The following NAALAD2 variants were observed in gnomAD, a reference collection of about 807,000 sequenced individuals.
NAALAD2 encodes the protein N-acetylated alpha-linked acidic dipeptidase 2.
A neutral mutation model predicts 95.6 loss-of-function variants in NAALAD2; 89 were observed. The observed-to-expected ratio is 0.93, with a 90% confidence interval of 0.78 to 1.11. The LOEUF (loss-of-function observed/expected upper bound fraction) is 1.11, where lower values mean the gene tolerates loss of function less well. NAALAD2 is among the 50% of genes least tolerant of loss of function. The pLI is 0.00. For missense variants in NAALAD2, 894 were observed against 872.4 expected (o/e 1.02, Z -0.31); for synonymous variants, 264 against 294.4 (o/e 0.90, Z 1.06).
At chr11:90,166,167 T>A (rs1489341262) in intron 11 of NAALAD2, among the ~76,000 whole-genome samples, 1 of 152,216 alleles carries the variant, frequency 6.6e-6, no homozygotes, top group African/African-American at 2.4e-5. Context: ...CACACACAGC[T>A]TTAAATGTTT....
At chr11:90,156,966 G>A (rs549082762) in intron 6 of NAALAD2, among the ~76,000 whole-genome samples, 75 of 152,092 alleles carry the variant, frequency 4.9e-4, no homozygotes, top group Admixed American at 1.1e-3. Flanking sequence ...CACTGAGGTC[G>A]GAGAACATAC....
intron 11 of NAALAD2, among the ~76,000 whole-genome samples, chr11:90,167,490 C>CACTG (rs1230257082): frequency 1.3e-5 from 2 of 152,210 alleles, no homozygotes; most frequent in Admixed American, 6.5e-5. Flanking sequence ...TCCACGGCGA[C>CACTG]CAGTCCCATC....
intron 13 of NAALAD2, among the ~76,000 whole-genome samples, chr11:90,172,976 T>G (rs1952684026): frequency 2.0e-5 from 3 of 152,108 alleles, no homozygotes; most frequent in African/African-American, 7.2e-5. Context: ...CTGCCTTGGG[T>G]CTATTTTTGA....
upstream of NAALAD2, chr11:90,131,915 A>G (rs1951358336): frequency 6.6e-6 from 1 of 152,198 alleles, no homozygotes; most frequent in South Asian, 2.1e-4. Context: ...CAAAGTTTTT[A>G]TATACTATTA....
intron 18 of NAALAD2, among the ~76,000 whole-genome samples, chr11:90,183,609 A>G (rs1857032158): frequency 6.6e-6 from 1 of 152,146 alleles, no homozygotes; most frequent in Non-Finnish European, 1.5e-5. Context: ...TGCAAAGGCA[A>G]TACACATTAA....
intron 2 of NAALAD2, among the ~76,000 whole-genome samples, chr11:90,142,351 A>G (rs1265874082): frequency 6.6e-6 from 1 of 152,140 alleles, no homozygotes; most frequent in East Asian, 1.9e-4. Flanking sequence ...AGGCATATAC[A>G]CATGGACGTT....
intron 14 of NAALAD2, 98 bp from the exon 15 acceptor site, chr11:90,175,873 TC>T: frequency 1.6e-6 from 1 of 633,394 alleles, no homozygotes; most frequent in South Asian, 2.5e-5. Context: ...TCCTTGCTAT[TC>T]TTGGGGCAGG....
intron 2 of NAALAD2, 35 bp downstream of exon 2, chr11:90,135,705 A>T: frequency 6.5e-7 from 1 of 1,539,364 alleles, no homozygotes; most frequent in South Asian, 1.1e-5. Flanking sequence ...CTTAAAAATC[A>T]TGTTTAAAAT....
chr11:90,168,391 C>T (rs563905416), intron 11 of NAALAD2, among the ~76,000 whole-genome samples: 30 of 152,322 alleles, frequency 2.0e-4, no homozygotes, highest in African/African-American at 7.2e-4. Flanking sequence ...CCTGTAATCC[C>T]GGGTACTCCG....
chr11:90,182,953 C>G lies in NAALAD2; in HGVS notation c.1978C>G (p.Leu660Val), dbSNP rs765528476. ...AVRMMNDQLM[L>V]LERAFIDPLG... ...GAGAATGATGAATGACCAACTGATG[C>G]TCCTGGAAAGAGCATTCATCGATCC... The change falls in exon 18 of 19, where the codon CTC becomes GTC. Residue 660 changes from leucine to valine, a missense_variant. By Grantham distance (32) the Leu-to-Val change is conservative (BLOSUM62 1). Coordinates refer to ENST00000534061, the MANE Select transcript of NAALAD2 (RefSeq NM_005467.4). The G allele has an allele frequency of 6.2e-7, 1 of 1,612,384 alleles. No individual in the cohort carries two copies. The highest frequency in any genetic ancestry group is 1.7e-5 in the Admixed American group (1 of 59,958).
intron 8 of NAALAD2, chr11:90,162,677 AAAT>A (rs1370367089): frequency 2.0e-5 from 4 of 201,210 alleles, no homozygotes; most frequent in African/African-American, 6.9e-5. Context: ...AGCTATGAGA[AAAT>A]AATATAAAAT....
Position 90,147,537 on chromosome 11 carries a change from T to A in NAALAD2, c.381+21T>A, listed in dbSNP as rs200314348. 6.3e-6 allele frequency: 10 copies of A among 1,580,880 alleles called. No individual in the cohort carries two copies. In the Admixed American group the frequency reaches 1.7e-4, roughly 26 times the overall value. ...CTGAGGTATGTGAAATTGTTGGTAC[T>A]TTTTATATTTTGCAATCCGACCGTT... On this transcript the variant is annotated intron_variant, in intron 3 of 18. Coordinates refer to ENST00000534061, the MANE Select transcript of NAALAD2 (RefSeq NM_005467.4).
intron 1 of NAALAD2, 164 bp downstream of exon 1, chr11:90,135,004 G>A (rs1003825255): frequency 1.1e-4 from 71 of 666,546 alleles, no homozygotes; most frequent in Admixed American, 1.6e-4. Context: ...GAAACCAGAT[G>A]GAATGTATTT....
At chr11:90,165,896 AAT>A (rs1442021668) in intron 11 of NAALAD2, among the ~76,000 whole-genome samples, 1 of 152,206 alleles carries the variant, frequency 6.6e-6, no homozygotes, top group African/African-American at 2.4e-5. Context: ...TATATAAAAT[AAT>A]AAAAACGCTT....
At chr11:90,170,488 T>G (rs548104660) in intron 13 of NAALAD2, among the ~76,000 whole-genome samples, 1 of 152,210 alleles carries the variant, frequency 6.6e-6, no homozygotes, top group African/African-American at 2.4e-5. Flanking sequence ...TCAACAAATA[T>G]TCACTGAGTG....
chr11:90,153,645 T>C (rs1414127093), intron 6 of NAALAD2, among the ~76,000 whole-genome samples: 1 of 152,060 alleles, frequency 6.6e-6, no homozygotes, highest in Non-Finnish European at 1.5e-5. Flanking sequence ...TTGGGGAGAA[T>C]TGGCAATATT....
intron 2 of NAALAD2, among the ~76,000 whole-genome samples, chr11:90,138,335 G>A (rs1375802929): frequency 6.6e-6 from 1 of 152,142 alleles, no homozygotes; most frequent in Non-Finnish European, 1.5e-5. Flanking sequence ...CAGAGGCAGA[G>A]AAGGTAGAGA....
intron 12 of NAALAD2, 35 bp from the exon 13 acceptor site, chr11:90,170,034 A>G: frequency 8.1e-7 from 1 of 1,234,706 alleles, no homozygotes. Flanking sequence ...ATTTAGAAGT[A>G]TGAAATAATA....
At chr11:90,155,409 G>T (rs1952052683) in intron 6 of NAALAD2, among the ~76,000 whole-genome samples, 1 of 97,980 alleles carries the variant, frequency 1.0e-5, no homozygotes, top group Admixed American at 1.5e-4. Context: ...TATATATAAT[G>T]TAATATTACA....
Sources: gnomAD v4.1 joint callset for allele counts (sites outside exome capture counted in the v4.1 genomes callset) on GRCh38, gnomAD v4.1.1 for gene constraint, MANE v1.5 for transcripts, NCBI Gene and HGNC (gene_info 2026-07-23, HGNC 2026-07-21) for gene names.